Variants in SMPD2 observed in about 807,000 individuals in gnomAD.
SMPD2 encodes the protein N-SMase.
Under a neutral mutation model 41.7 loss-of-function variants are expected in SMPD2, and 35 were observed. That is an observed-to-expected ratio of 0.84 (90% confidence interval 0.64 to 1.11). The LOEUF (loss-of-function observed/expected upper bound fraction) is 1.11, where lower values mean the gene tolerates loss of function less well. Ranked by LOEUF, SMPD2 falls within the 50% of genes most tolerant of loss-of-function variation. The pLI is 0.00. For missense variants in SMPD2, 520 were observed against 524.8 expected (o/e 0.99, Z 0.09); for synonymous variants, 201 against 208.2 (o/e 0.97, Z 0.30).
At position 109,442,616 on chromosome 6, in the gene SMPD2, A is replaced by C; in HGVS notation, c.482A>C (p.Gln161Pro). 16 of 1,614,188 alleles carry C rather than the reference A, an allele frequency of 9.9e-6. No individual in the cohort carries two copies. Among genetic ancestry groups the C allele is most frequent in the Non-Finnish European group, 1.4e-5 (16 of 1,180,024 alleles). ...HRVAQAWELA[Q>P]FIHHTSKKAD... Reference sequence around the variant, plus strand: ...GTGGCCCAAGCTTGGGAATTGGCCCAGTTCATCCAGTGTGTGAGCCTGGGC... The same window carrying C: ...GTGGCCCAAGCTTGGGAATTGGCCCCGTTCATCCAGTGTGTGAGCCTGGGC... The change falls in exon 6 of 10, where the codon CAG (glutamine) becomes CCG (proline). Residue 161 changes from glutamine to proline, a missense_variant. Coordinates refer to ENST00000258052, the MANE Select transcript of SMPD2 (RefSeq NM_003080.3).
chr6:109,441,777 C>T (rs1163672789), intron 3 of SMPD2, 149 bp downstream of exon 3: 14 of 912,428 alleles, frequency 1.5e-5, no homozygotes, highest in Admixed American at 3.7e-5. Context: ...CCAAGAAGGT[C>T]CTATGACTTC....
chr6:109,440,787 C>G lies in SMPD2; in HGVS notation c.-335C>G, dbSNP rs952420207. The G allele has an allele frequency of 3.7e-5, 13 of 354,068 alleles. No homozygotes were observed. In the South Asian group the frequency reaches 3.7e-4, roughly 10 times the overall value. 21.9% of individuals were successfully genotyped at this position (354,068 alleles called of 1,614,324 possible). A position where few individuals can be genotyped will look rare whatever the true frequency, so the allele number is the denominator to read the frequency against. On this transcript the variant is annotated 5_prime_UTR_variant, in exon 1 of 10. Coordinates refer to ENST00000258052, the MANE Select transcript of SMPD2 (RefSeq NM_003080.3). ...GGCGGCCGCGACCGCCGGGGACGAG[C>G]TTGGAGGAAAAGGAACCGGGAGCCG...
At chr6:109,441,206 C>T in intron 1 of SMPD2, 35 bp downstream of exon 1, 1 of 1,612,746 alleles carries the variant, frequency 6.2e-7, no homozygotes, top group Middle Eastern at 1.7e-4. Context: ...CTGGGGGCCA[C>T]CTTCCGTTCG....
chr6:109,441,100 G>C lies in SMPD2; in HGVS notation c.-22G>C, dbSNP rs752300310. The C allele has an allele frequency of 7.4e-6, 12 of 1,613,860 alleles. No individual in the cohort carries two copies. Among genetic ancestry groups the C allele is most frequent in the Non-Finnish European group, 1.0e-5 (12 of 1,179,912 alleles). ...GTCGCTGGAGAGTTCGAGCCGCCTA[G>C]CGCCCCTGGAGCTCCCCAACCATGA... On this transcript the variant is annotated 5_prime_UTR_variant, in exon 1 of 10. Coordinates refer to ENST00000258052, the MANE Select transcript of SMPD2 (RefSeq NM_003080.3).
rs1191243970 is a variant in SMPD2 at position 109,441,600 on chromosome 6, A to G, written c.196A>G (p.Thr66Ala). 4 of 1,614,024 alleles carry G rather than the reference A, an allele frequency of 2.5e-6. No homozygotes were observed. Among genetic ancestry groups the G allele is most frequent in the Middle Eastern group, 1.6e-4 (1 of 6,084 alleles). ...GTACCTGAGACAGAAGCTGTCACCT[A>G]CCTACCCAGCTGCACACCACTTCCG... ...FQYLRQKLSP[T>A]YPAAHHFRSG... Residue 66 changes from threonine to alanine, a missense_variant, in exon 3 of 10, where the codon ACC becomes GCC. Thr to Ala is a moderately conservative substitution (Grantham distance 58). Transcript: ENST00000258052.
intron 7 of SMPD2, 21 bp from the exon 8 acceptor site, chr6:109,442,956 A>C (rs1427839031): frequency 6.2e-7 from 1 of 1,612,698 alleles, no homozygotes; most frequent in Non-Finnish European, 8.5e-7. Flanking sequence ...ACATCCTAGC[A>C]TGAGCCAATG....
chr6:109,442,976 G>A lies in SMPD2; in HGVS notation c.625-1G>A, dbSNP rs778401415. ...CTAGCATGAGCCAATGATTCCCTTA[G>A]GGCTCTGAGGAAGGCAACACAATGG... On this transcript the variant is annotated splice_acceptor_variant, in intron 7 of 9. Transcript: ENST00000258052. LOFTEE classifies it high-confidence loss of function. 13 of 1,613,902 alleles carry A rather than the reference G, an allele frequency of 8.1e-6. No individual in the cohort carries two copies. In the East Asian group the frequency reaches 2.5e-4, roughly 30 times the overall value.
At chr6:109,442,720 GA>G in intron 6 of SMPD2, 31 bp from the exon 7 acceptor site, 1 of 1,610,958 alleles carries the variant, frequency 6.2e-7, no homozygotes, top group Non-Finnish European at 8.5e-7. Context: ...GGTGATGGAA[GA>G]ACTCCCGCCT....
rs377724058 is a variant in SMPD2, at chr6:109,442,063, A to G, written c.314A>G (p.Tyr105Cys). 3 of 1,611,466 alleles carry G rather than the reference A, an allele frequency of 1.9e-6. 1 individual carries two copies. In the African/African-American group the frequency reaches 4.0e-5, roughly 22 times the overall value. Residue 105 changes from tyrosine to cysteine, a missense_variant, in exon 4 of 10, where the codon TAC becomes TGC. Coordinates refer to ENST00000258052, the MANE Select transcript of SMPD2 (RefSeq NM_003080.3). ...QHIYTLNGYP[Y>C]MIHHGDWFSG... ...ATCTACACTCTCAATGGCTACCCCT[A>G]CATGGTAAGGCAGACCTTTGACCTC...
chr6:109,441,961 G>T lies in SMPD2; in HGVS notation c.225-13G>T. On this transcript the variant is annotated splice_polypyrimidine_tract_variant and intron_variant, in intron 3 of 9. Coordinates refer to ENST00000258052, the MANE Select transcript of SMPD2 (RefSeq NM_003080.3). ...CCTGTTTTTCTGGTTATTAAGCAGG[G>T]CTTGGCTTTCAGCGGAATCATTGGC... 6.2e-7 allele frequency: 1 copy of T among 1,613,406 alleles called. No individual in the cohort carries two copies. Among genetic ancestry groups the T allele is most frequent in the Non-Finnish European group, 8.5e-7 (1 of 1,179,276 alleles).
chr6:109,442,730 C>G (rs1280647626), intron 6 of SMPD2, 22 bp from the exon 7 acceptor site: 1 of 1,605,570 alleles, frequency 6.2e-7, no homozygotes, highest in East Asian at 2.2e-5. Context: ...GAACTCCCGC[C>G]TCACCAACCT....
At position 109,443,871 on chromosome 6, in the gene SMPD2, G is replaced by A; in HGVS notation, c.1238G>A (p.Gly413Glu). ...GPEPQPALLLGQQEGDRTKEQ is the reference protein window; with the variant it reads ...GPEPQPALLLEQQEGDRTKEQ ...GAGCCTCAGCCAGCCCTACTCCTGGGGCAGCAGGAGGGGGACAGAACTAAA... is the reference window on the plus strand; with the variant it reads ...GAGCCTCAGCCAGCCCTACTCCTGGAGCAGCAGGAGGGGGACAGAACTAAA... Residue 413 changes from glycine to glutamate, a missense_variant, in exon 10 of 10, where the codon GGG becomes GAG. Transcript: ENST00000258052. 1 of 1,612,522 alleles carries A rather than the reference G, an allele frequency of 6.2e-7. No individual in the cohort carries two copies. The highest frequency in any genetic ancestry group is 8.5e-7 in the Non-Finnish European group (1 of 1,179,594).
Position 109,443,510 on chromosome 6 carries a change from G to C in SMPD2, c.884-7G>C. ...CTCTCCTGCCCCACTGCCCTGCTCT[G>C]TTGTAGGACCAGCAGAGAGGTCGCC... On this transcript the variant is annotated splice_polypyrimidine_tract_variant and splice_region_variant and intron_variant, in intron 9 of 9. Transcript: ENST00000258052. 1 of 1,609,084 alleles carries C rather than the reference G, an allele frequency of 6.2e-7. No homozygotes were observed. Among genetic ancestry groups the C allele is most frequent in the Non-Finnish European group, 8.5e-7 (1 of 1,176,734 alleles).
chr6:109,441,574 A>C lies in SMPD2; in HGVS notation c.170A>C (p.Gln57Pro), dbSNP rs1231783102. The C allele has an allele frequency of 2.5e-6, 4 of 1,614,112 alleles. No individual in the cohort carries two copies. Among genetic ancestry groups the C allele is most frequent in the African/African-American group, 1.3e-5 (1 of 74,952 alleles). Reference protein sequence around the residue: ...LEEVWSEQDFQYLRQKLSPTY... With the variant: ...LEEVWSEQDFPYLRQKLSPTY... ...CAGGTGTGGAGTGAGCAGGACTTCCAGTACCTGAGACAGAAGCTGTCACCT... is the reference window on the plus strand; with the variant it reads ...CAGGTGTGGAGTGAGCAGGACTTCCCGTACCTGAGACAGAAGCTGTCACCT... Residue 57 changes from glutamine (Q) to proline (P), a missense_variant, in exon 3 of 10, where the codon CAG (glutamine) becomes CCG (proline). Physicochemically the swap from Gln to Pro is moderately conservative, Grantham distance 76. Transcript: ENST00000258052.
intron 1 of SMPD2, 28 bp from the exon 2 acceptor site, chr6:109,441,329 T>A: frequency 6.2e-7 from 1 of 1,606,552 alleles, no homozygotes; most frequent in Non-Finnish European, 8.5e-7. Flanking sequence ...AGCAGTCGCC[T>A]CCCCTGCCCC....
At position 109,443,030 on chromosome 6, in the gene SMPD2, G is replaced by A. The variant is rs1479003182; in HGVS notation, c.678G>A (p.Gln226=). The A allele has an allele frequency of 6.2e-7, 1 of 1,614,230 alleles. No homozygotes were observed. The highest frequency in any genetic ancestry group is 1.1e-5 in the South Asian group (1 of 91,082). Residue 226 remains glutamine (Q), a synonymous_variant, in exon 8 of 10, where the codon CAG becomes CAA. Transcript: ENST00000258052. ...CCAAGAACTGCTACGTCAGCCAGCA[G>A]GAGCTGAAGCCATTTCCCTTTGGTG... ...MVPKNCYVSQ[Q]ELKPFPFGVR... is the part of the protein sequence containing the mutation.
rs902378301 is a variant in SMPD2 at position 109,442,123 on chromosome 6, G to A, written c.318+56G>A. 3.9e-5 allele frequency: 61 copies of A among 1,582,882 alleles called. No individual in the cohort carries two copies. The African/African-American group carries it at 7.7e-4, about 20-fold the overall frequency. On this transcript the variant is annotated intron_variant, in intron 4 of 9. Transcript: ENST00000258052. The stretch of plus-strand genomic sequence containing the variant: ...CCTTCCCCACCTCCAGTAATACAAG[G>A]TAGAGGAGGCAGCCCTCTGAGAGCT...
chr6:109,441,032 TG>T lies in SMPD2; in HGVS notation c.-86del. Reference sequence around the variant, plus strand: ...CGCCGCCTGCGAAGAAGGAACGGTCTGGGGAGAAGGCGCCGCCGGCCGCCCC... The same window carrying T: ...CGCCGCCTGCGAAGAAGGAACGGTCTGGGAGAAGGCGCCGCCGGCCGCCCC... On this transcript the variant is annotated 5_prime_UTR_variant, in exon 1 of 10. Coordinates refer to ENST00000258052, the MANE Select transcript of SMPD2 (RefSeq NM_003080.3). The T allele has an allele frequency of 7.4e-7, 1 of 1,353,394 alleles. No homozygotes were observed. Among genetic ancestry groups the T allele is most frequent in the Non-Finnish European group, 1.1e-6 (1 of 949,126 alleles). The allele number at this position is 1,353,394 out of a possible 1,614,324, so 83.8% of individuals were successfully genotyped here.
Position 109,443,264 on chromosome 6 carries a change from T to C in SMPD2, c.730-3T>C. 6.2e-7 allele frequency: 1 copy of C among 1,614,108 alleles called. No homozygotes were observed. The highest frequency in any genetic ancestry group is 8.5e-7 in the Non-Finnish European group (1 of 1,179,952). On this transcript the variant is annotated splice_polypyrimidine_tract_variant and splice_region_variant and intron_variant, in intron 8 of 9. Transcript: ENST00000258052. ...GCTTCTCTCTGGCCCTTACTTTTCC[T>C]AGGCAGTTTCTGGGTTTTACATCTC... is the stretch of plus-strand genomic sequence containing the variant.
Sources: allele counts gnomAD v4.1 joint callset, GRCh38; gene constraint gnomAD v4.1.1; transcripts MANE v1.5; gene names NCBI Gene and HGNC (gene_info 2026-07-23, HGNC 2026-07-21).